MECOM: variants seen among roughly 807,000 people sequenced by gnomAD.
MECOM encodes the protein histone-lysine N-methyltransferase MECOM.
A neutral mutation model predicts 116.3 loss-of-function variants in MECOM; 13 were observed. The ratio of observed to expected loss-of-function variants is 0.11; its 90% CI spans 0.07 to 0.18. The LOEUF (loss-of-function observed/expected upper bound fraction) is 0.18. MECOM is among the 10% of genes least tolerant of loss of function. The probability of loss-of-function intolerance (pLI) is 1.00; values close to 1 mark genes in which losing one functional copy is unlikely to be tolerated. For synonymous variants in MECOM, 528 were observed against 535.2 expected (o/e 0.99, Z 0.19); for missense variants, 1,299 against 1,509.0 (o/e 0.86, Z 2.31).
intron 2 of MECOM, among the ~76,000 whole-genome samples, chr3:169,149,935 CTGTG>C (rs58944452): frequency 0.1 from 13,588 of 131,028 alleles, 717 homozygotes; most frequent in East Asian, 0.17. Flanking sequence ...TTCTCTCTCT[CTGTG>C]TGTGTGTGTG....
chr3:169,492,681 G>C (rs1415199597), intron 1 of MECOM, among the ~76,000 whole-genome samples: 1 of 151,992 alleles, frequency 6.6e-6, no homozygotes, highest in African/African-American at 2.4e-5. Flanking sequence ...CTCATATTAG[G>C]CCCGGCATGG....
rs547302079 is a variant in MECOM, at chr3:169,369,635, C to A, written c.375+11552G>T. ...AAAGTGCTGGAATTACAGGCATGAA[C>A]CACCTCACCCAGCCTTCTTTTTTTA... On this transcript the variant is annotated intron_variant, in intron 2 of 16. Transcript: ENST00000651503. 4.9e-4 allele frequency among the ~76,000 whole-genome samples: 75 copies of A among 152,034 alleles called. 4 individuals carry two copies. The highest frequency in any genetic ancestry group is 1.6e-3 in the African/African-American group (67 of 41,510).
intron 1 of MECOM, among the ~76,000 whole-genome samples, chr3:169,650,065 GTCTC>G (rs935135143): frequency 9.9e-5 from 15 of 152,246 alleles, no homozygotes; most frequent in African/African-American, 3.6e-4. Context: ...CTTTTCAGAA[GTCTC>G]TCTATCCTGG....
chr3:169,190,915 A>G (rs1747437248), intron 2 of MECOM, among the ~76,000 whole-genome samples: 1 of 152,044 alleles, frequency 6.6e-6, no homozygotes, highest in African/African-American at 2.4e-5. Flanking sequence ...ATCAATGTGT[A>G]TCTACCCTTA....
intron 2 of MECOM, among the ~76,000 whole-genome samples, chr3:169,315,002 T>A (rs1256329621): frequency 2.0e-5 from 3 of 152,302 alleles, no homozygotes; most frequent in East Asian, 1.9e-4. Flanking sequence ...ATGCCTTCAA[T>A]TCCTCTTAAC....
At chr3:169,635,913 T>C (rs1384613736) in intron 1 of MECOM, among the ~76,000 whole-genome samples, 1 of 152,266 alleles carries the variant, frequency 6.6e-6, no homozygotes, top group African/African-American at 2.4e-5. Context: ...CCCATAATTA[T>C]GCAATTAATT....
intron 2 of MECOM, among the ~76,000 whole-genome samples, chr3:169,203,137 G>A (rs1250967562): frequency 6.6e-6 from 1 of 152,076 alleles, no homozygotes; most frequent in East Asian, 1.9e-4. Flanking sequence ...TGGCGCCATT[G>A]ATTAAAACTA....
intron 2 of MECOM, among the ~76,000 whole-genome samples, chr3:169,287,882 C>T (rs918585469): frequency 1.3e-5 from 2 of 152,044 alleles, no homozygotes; most frequent in African/African-American, 4.8e-5. Flanking sequence ...TCCCATACGA[C>T]AATATGTTTT....
chr3:169,152,411 C>G (rs1474621047), intron 2 of MECOM, among the ~76,000 whole-genome samples: 1 of 152,154 alleles, frequency 6.6e-6, no homozygotes, highest in Non-Finnish European at 1.5e-5. Context: ...AGAAGCCCTG[C>G]TGCTGTGCCC....
chr3:169,277,776 G>A (rs1259083002), intron 2 of MECOM, among the ~76,000 whole-genome samples: 3 of 152,206 alleles, frequency 2.0e-5, no homozygotes, highest in African/African-American at 7.2e-5. Context: ...AGGGGTCCCA[G>A]ATGTGAACTC....
intron 2 of MECOM, among the ~76,000 whole-genome samples, chr3:169,213,790 A>T (rs1751086436): frequency 6.6e-6 from 1 of 152,170 alleles, no homozygotes; most frequent in South Asian, 2.1e-4. Flanking sequence ...TGAAGTTTTT[A>T]TTTGAAAGAA....
chr3:169,298,725 A>C (rs1042328800), intron 2 of MECOM, among the ~76,000 whole-genome samples: 1 of 152,156 alleles, frequency 6.6e-6, no homozygotes, highest in Non-Finnish European at 1.5e-5. Context: ...CTTAGTAAAG[A>C]CACCAGTTTA....
At chr3:169,478,483 C>T (rs1469514280) in intron 1 of MECOM, among the ~76,000 whole-genome samples, 3 of 152,148 alleles carry the variant, frequency 2.0e-5, no homozygotes, top group Non-Finnish European at 4.4e-5. Context: ...AGGGACACCT[C>T]TGCCTTTGGC....
intron 2 of MECOM, among the ~76,000 whole-genome samples, chr3:169,317,617 T>C (rs1180907183): frequency 1.3e-5 from 2 of 152,208 alleles, no homozygotes; most frequent in Non-Finnish European, 1.5e-5. Context: ...ACTACTTACA[T>C]AGCAACAGCT....
At chr3:169,609,460 T>C (rs939833046) in intron 1 of MECOM, among the ~76,000 whole-genome samples, 9 of 119,050 alleles carry the variant, frequency 7.6e-5, no homozygotes, top group African/African-American at 3.0e-4. Context: ...GTTAATCATT[T>C]TTTTTTTTTT....
intron 12 of MECOM, among the ~76,000 whole-genome samples, chr3:169,096,302 ACT>A (rs1191982626): frequency 1.3e-5 from 2 of 148,914 alleles, no homozygotes; most frequent in East Asian, 3.9e-4. Flanking sequence ...ATGGAGTCTC[ACT>A]CTGTCACCCA....
chr3:169,579,438 T>C lies in MECOM; in HGVS notation c.37+83898A>G, dbSNP rs185035603. 1.2e-4 allele frequency among the ~76,000 whole-genome samples: 18 copies of C among 152,186 alleles called. No homozygotes were observed. The South Asian group carries it at 3.7e-3, about 32-fold the overall frequency. On this transcript the variant is annotated intron_variant, in intron 1 of 16. Transcript: ENST00000651503. ...TCTCTTTCCCACAGCAGAAGGTGAT[T>C]AGAGTTAGGAAACAGGGACTGTGAA...
Position 169,115,923 on chromosome 3 carries a change from T to A in MECOM, c.1949A>T (p.Glu650Val). 6.2e-7 allele frequency: 1 copy of A among 1,614,142 alleles called. No homozygotes were observed. Among genetic ancestry groups the A allele is most frequent in the Non-Finnish European group, 8.5e-7 (1 of 1,180,044 alleles). The change falls in exon 8 of 17, where the codon GAG becomes GTG. Residue 650 changes from glutamate (E) to valine (V), a missense_variant. Glu to Val is a moderately radical substitution (Grantham distance 121). Around this residue, in one of 6 missense-constraint regions of MECOM, gnomAD observed 238 missense variants for 273.1 expected, o/e 0.87. Transcript: ENST00000651503. ...CACAGCTCCTGACACCGCAGTCTGC[T>A]CCTCTAAAGATGGTGAGAAAATGGA... ...NHSIFSPSLE[E>V]QTAVSGAVND...
chr3:169,506,107 G>A (rs763593814), intron 1 of MECOM, among the ~76,000 whole-genome samples: 1 of 152,188 alleles, frequency 6.6e-6, no homozygotes, highest in African/African-American at 2.4e-5. Flanking sequence ...TTGCTCTCTC[G>A]TGGTGGCTCA....
Sources: allele counts gnomAD v4.1 joint callset (sites outside exome capture counted in the v4.1 genomes callset), GRCh38; gene constraint gnomAD v4.1.1; regional missense constraint gnomAD v4.1.1; transcripts MANE v1.5; gene names NCBI Gene and HGNC (gene_info 2026-07-23, HGNC 2026-07-21).